Variants in STK38L observed in about 807,000 individuals in gnomAD.
STK38L encodes serine/threonine kinase 38 like, also known as serine/threonine-protein kinase 38-like.
In STK38L, 28 loss-of-function variants were observed where a neutral mutation model predicts 59.7. The observed-to-expected ratio is 0.47, with a 90% CI of 0.35 to 0.64. The LOEUF (loss-of-function observed/expected upper bound fraction) is 0.64, where lower values mean the gene tolerates loss of function less well. Among genes scored for constraint, STK38L ranks in the 30% least tolerant of loss-of-function variants. The probability of loss-of-function intolerance (pLI) is 0.01; values close to 1 mark genes in which losing one functional copy is unlikely to be tolerated. For synonymous variants in STK38L, 162 were observed against 176.8 expected (o/e 0.92, Z 0.66); for missense variants, 314 against 555.8 (o/e 0.56, Z 4.37).
chr12:27,284,902 C>G (rs61135864), intron 1 of STK38L, among the ~76,000 whole-genome samples: 1 of 152,088 alleles, frequency 6.6e-6, no homozygotes, highest in Admixed American at 6.5e-5. Flanking sequence ...CTCATGGTTG[C>G]GGAAGTCAAG....
chr12:27,263,645 T>C (rs1943247104), intron 1 of STK38L, among the ~76,000 whole-genome samples: 1 of 152,196 alleles, frequency 6.6e-6, no homozygotes, highest in Non-Finnish European at 1.5e-5. Flanking sequence ...AATTGCTATG[T>C]ACATGTTAAA....
chr12:27,252,214 C>T (rs888888214), intron 1 of STK38L, among the ~76,000 whole-genome samples: 38 of 152,100 alleles, frequency 2.5e-4, no homozygotes, highest in Non-Finnish European at 3.7e-4. Flanking sequence ...CTCCTGACCT[C>T]GTGATCCGCC....
intron 2 of STK38L, among the ~76,000 whole-genome samples, chr12:27,301,902 C>T (rs539242216): frequency 1.5e-4 from 23 of 152,090 alleles, no homozygotes; most frequent in Admixed American, 6.5e-4. Flanking sequence ...TAGGCAGGAG[C>T]GTGAAGTAAG....
At chr12:27,271,974 A>G (rs1270909670) in intron 1 of STK38L, among the ~76,000 whole-genome samples, 1 of 152,224 alleles carries the variant, frequency 6.6e-6, no homozygotes, top group Non-Finnish European at 1.5e-5. Context: ...TGCTTGGATT[A>G]TAGGCATGAG....
chr12:27,278,994 GC>G (rs1404970361), intron 1 of STK38L, among the ~76,000 whole-genome samples: 1 of 152,124 alleles, frequency 6.6e-6, no homozygotes, highest in Non-Finnish European at 1.5e-5. Flanking sequence ...AAGAGTAGGG[GC>G]CTGCCCAAAT....
At chr12:27,277,414 A>T (rs1049492377) in intron 1 of STK38L, among the ~76,000 whole-genome samples, 7 of 148,660 alleles carry the variant, frequency 4.7e-5, no homozygotes, top group African/African-American at 7.3e-5. Flanking sequence ...ACACACACAC[A>T]CACACACAGC....
intron 6 of STK38L, among the ~76,000 whole-genome samples, chr12:27,313,235 C>T (rs948880852): frequency 2.5e-5 from 3 of 121,590 alleles, no homozygotes; most frequent in South Asian, 2.5e-4. Context: ...GCGAAAACAG[C>T]GAGACTACGT....
intron 1 of STK38L, among the ~76,000 whole-genome samples, chr12:27,290,034 G>T (rs1393573752): frequency 6.6e-6 from 1 of 152,206 alleles, no homozygotes; most frequent in Non-Finnish European, 1.5e-5. Context: ...GGAAGATTGA[G>T]CAGGGAAGGG....
chr12:27,247,250 G>T (rs966572805), intron 1 of STK38L, among the ~76,000 whole-genome samples: 1 of 152,190 alleles, frequency 6.6e-6, no homozygotes, highest in African/African-American at 2.4e-5. Flanking sequence ...AAGTAACTGT[G>T]GTACTAAGGT....
At chr12:27,278,679 A>C (rs1943588494) in intron 1 of STK38L, among the ~76,000 whole-genome samples, 1 of 152,160 alleles carries the variant, frequency 6.6e-6, no homozygotes. Context: ...TGAATATCTC[A>C]TTTTGTTTTC....
chr12:27,309,250 T>C (rs1003592372), intron 5 of STK38L, 53 bp downstream of exon 5: 2 of 1,331,032 alleles, frequency 1.5e-6, no homozygotes, highest in African/African-American at 3.0e-5. Context: ...GACGCAGTGT[T>C]AAGAGTGTTT....
intron 1 of STK38L, among the ~76,000 whole-genome samples, chr12:27,280,734 A>G (rs1943636230): frequency 1.3e-5 from 2 of 152,202 alleles, no homozygotes; most frequent in African/African-American, 4.8e-5. Flanking sequence ...CTTTTTTCCT[A>G]TTTAGATAAG....
At chr12:27,285,746 C>T (rs1362656397) in intron 1 of STK38L, among the ~76,000 whole-genome samples, 2 of 152,152 alleles carry the variant, frequency 1.3e-5, no homozygotes, top group Non-Finnish European at 2.9e-5. Flanking sequence ...GCATTATCTC[C>T]CTTAAAACAG....
intron 1 of STK38L, among the ~76,000 whole-genome samples, chr12:27,273,301 G>A (rs1181920854): frequency 1.3e-5 from 2 of 152,136 alleles, no homozygotes; most frequent in Admixed American, 6.5e-5. Context: ...CTATATGTGT[G>A]ACCCTAGACA....
intron 1 of STK38L, chr12:27,293,794 TA>T (rs1943948601): frequency 6.6e-6 from 1 of 152,236 alleles, no homozygotes; most frequent in Admixed American, 6.5e-5. Context: ...AGAGGCATTA[TA>T]AAAGGTTTTT....
chr12:27,300,412 T>C (rs978109023), intron 2 of STK38L: 1 of 379,938 alleles, frequency 2.6e-6, no homozygotes, highest in Non-Finnish European at 5.3e-6. Context: ...TCTTCCAGAA[T>C]GAGGAATGAT....
chr12:27,263,797 A>G (rs143960965), intron 1 of STK38L, among the ~76,000 whole-genome samples: 4 of 152,348 alleles, frequency 2.6e-5, no homozygotes, highest in Admixed American at 2.6e-4. Flanking sequence ...GTGGAATTTA[A>G]TAGAAGATGA....
intron 1 of STK38L, among the ~76,000 whole-genome samples, chr12:27,251,146 C>A (rs1282509711): frequency 6.6e-6 from 1 of 151,924 alleles, no homozygotes; most frequent in Non-Finnish European, 1.5e-5. Flanking sequence ...TCTCTTTTTT[C>A]CCTTCCTTTT....
chr12:27,298,051 T>A, intron 2 of STK38L, 197 bp downstream of exon 2: 1 of 585,696 alleles, frequency 1.7e-6, no homozygotes. Flanking sequence ...CCAAGTCTTG[T>A]GCATCTATAT....
Sources: allele counts gnomAD v4.1 joint callset (sites outside exome capture counted in the v4.1 genomes callset), GRCh38; gene constraint gnomAD v4.1.1; transcripts MANE v1.5; gene names NCBI Gene and HGNC (gene_info 2026-07-23, HGNC 2026-07-21).